The following MET variants were observed in gnomAD, a reference collection of about 807,000 sequenced individuals.
MET encodes hepatocyte growth factor receptor.
In MET, 48 loss-of-function variants were observed where a neutral mutation model predicts 133.1. The observed-to-expected ratio is 0.36, with a 90% CI of 0.29 to 0.46. MET has a LOEUF of 0.46. MET is among the 20% of genes least tolerant of loss of function. The pLI is 1.00. For missense variants in MET, 1,442 were observed against 1,695.9 expected (o/e 0.85, Z 2.63); for synonymous variants, 628 against 616.5 (o/e 1.02, Z -0.28).
chr7:116,704,962 A>G (rs1791732590), intron 2 of MET, among the ~76,000 whole-genome samples: 1 of 152,126 alleles, frequency 6.6e-6, no homozygotes, highest in Admixed American at 6.6e-5. Context: ...TCCCAAAATA[A>G]AGGAAACTTA....
intron 2 of MET, among the ~76,000 whole-genome samples, chr7:116,704,406 A>G (rs1056323289): frequency 1.3e-5 from 2 of 152,120 alleles, no homozygotes; most frequent in Non-Finnish European, 2.9e-5. Flanking sequence ...AGTGTGGACA[A>G]GTATATTAAT....
Position 116,778,787 on chromosome 7 carries a change from A to G in MET, c.3352A>G (p.Ile1118Val), listed in dbSNP as rs755234697. 2.5e-6 allele frequency: 4 copies of G among 1,613,876 alleles called. No individual in the cohort carries two copies. Among genetic ancestry groups the G allele is most frequent in the Non-Finnish European group, 3.4e-6 (4 of 1,179,936 alleles). Residue 1118 changes from isoleucine (I) to valine (V), a missense_variant, in exon 17 of 21, where the codon ATA becomes GTA. This residue lies in a region of MET where 514 missense variants were observed against 659.6 expected (regional missense o/e 0.78). Coordinates refer to ENST00000397752, the MANE Select transcript of MET (RefSeq NM_000245.4). ...AVKSLNRITD[I>V]GEVSQFLTEG... The stretch of plus-strand genomic sequence containing the variant: ...ACTGGATTTCTCAGGAATCACTGAC[A>G]TAGGAGAAGTTTCCCAATTTCTGAC...
intron 17 of MET, among the ~76,000 whole-genome samples, chr7:116,781,514 C>T (rs777985196): frequency 6.6e-6 from 1 of 152,162 alleles, no homozygotes; most frequent in South Asian, 2.1e-4. Flanking sequence ...GTGTTGCATA[C>T]AATAAATACT....
intron 2 of MET, among the ~76,000 whole-genome samples, chr7:116,721,151 C>T (rs1490830596): frequency 1.3e-5 from 2 of 152,164 alleles, no homozygotes; most frequent in Non-Finnish European, 2.9e-5. Flanking sequence ...TTGATTATTG[C>T]CACAATTTCA....
chr7:116,761,953 A>G (rs1794415436), intron 10 of MET, among the ~76,000 whole-genome samples: 2 of 152,124 alleles, frequency 1.3e-5, no homozygotes, highest in Non-Finnish European at 2.9e-5. Context: ...ATCTCCAACT[A>G]TACTTGTCAA....
chr7:116,752,612 G>A (rs1326482497), intron 5 of MET, among the ~76,000 whole-genome samples: 1 of 152,216 alleles, frequency 6.6e-6, no homozygotes, highest in East Asian at 1.9e-4. Context: ...GCCCAGCCCA[G>A]AGAGAAAAGC....
intron 2 of MET, chr7:116,724,930 G>A (rs571838067): frequency 7.3e-5 from 83 of 1,137,044 alleles, no homozygotes; most frequent in Non-Finnish European, 8.6e-5. Context: ...AAAATGCTTA[G>A]AACTGTGTCT....
chr7:116,765,298 A>C (rs935873033), intron 11 of MET, among the ~76,000 whole-genome samples: 1 of 151,700 alleles, frequency 6.6e-6, no homozygotes, highest in Non-Finnish European at 1.5e-5. Flanking sequence ...AAAAAAAAAA[A>C]AAAAAAAAAA....
At chr7:116,702,904 A>G (rs1194620846) in intron 2 of MET, among the ~76,000 whole-genome samples, 1 of 152,086 alleles carries the variant, frequency 6.6e-6, no homozygotes, top group Non-Finnish European at 1.5e-5. Flanking sequence ...CGGGCCTTTT[A>G]CATTTTAGGG....
chr7:116,685,534 A>C (rs1796520478), intron 1 of MET, among the ~76,000 whole-genome samples: 1 of 151,886 alleles, frequency 6.6e-6, no homozygotes, highest in African/African-American at 2.4e-5. Context: ...AAAAATACAA[A>C]ATTTAGCCAG....
chr7:116,695,091 C>T (rs975824477), intron 1 of MET, among the ~76,000 whole-genome samples: 33 of 152,168 alleles, frequency 2.2e-4, no homozygotes, highest in Non-Finnish European at 3.8e-4. Context: ...AATAATAATT[C>T]GTTTCCTTTC....
intron 1 of MET, among the ~76,000 whole-genome samples, chr7:116,696,945 T>G (rs915155828): frequency 6.6e-6 from 1 of 152,204 alleles, no homozygotes; most frequent in African/African-American, 2.4e-5. Context: ...TCCGCCTCTG[T>G]TCTTTGGCAC....
At chr7:116,779,488 A>G (rs1795091812) in intron 17 of MET, among the ~76,000 whole-genome samples, 1 of 152,140 alleles carries the variant, frequency 6.6e-6, no homozygotes, top group Admixed American at 6.5e-5. Context: ...CATCTTCAAC[A>G]TAAGCCTTCC....
At chr7:116,736,644 C>T (rs1793223305) in intron 3 of MET, among the ~76,000 whole-genome samples, 1 of 152,174 alleles carries the variant, frequency 6.6e-6, no homozygotes, top group South Asian at 2.1e-4. Flanking sequence ...CATGTCCTAT[C>T]TACAAGGGGC....
At chr7:116,791,216 G>T (rs571419819) in intron 19 of MET, among the ~76,000 whole-genome samples, 16 of 152,312 alleles carry the variant, frequency 1.1e-4, no homozygotes, top group Admixed American at 3.3e-4. Flanking sequence ...ATATCTAGGT[G>T]TAAGAGTAAC....
intron 10 of MET, among the ~76,000 whole-genome samples, chr7:116,761,685 G>A (rs1205533270): frequency 6.6e-6 from 1 of 151,982 alleles, no homozygotes; most frequent in African/African-American, 2.4e-5. Context: ...AACAATTATT[G>A]TGATGACAGT....
chr7:116,788,376 G>T (rs1795380461), intron 19 of MET, among the ~76,000 whole-genome samples: 1 of 152,050 alleles, frequency 6.6e-6, no homozygotes, highest in Non-Finnish European at 1.5e-5. Flanking sequence ...CAACAAAGCT[G>T]ATTTATAAAA....
intron 2 of MET, among the ~76,000 whole-genome samples, chr7:116,703,089 A>G (rs989194073): frequency 3.3e-5 from 5 of 152,176 alleles, no homozygotes; most frequent in African/African-American, 1.2e-4. Context: ...AGTACTCGTC[A>G]TCTTCACCCA....
intron 2 of MET, among the ~76,000 whole-genome samples, chr7:116,723,736 C>G (rs888303496): frequency 1.3e-5 from 2 of 152,170 alleles, no homozygotes; most frequent in African/African-American, 2.4e-5. Flanking sequence ...GTTGGAGTAC[C>G]CTGCCGTGTG....
Sources: allele counts gnomAD v4.1 joint callset (sites outside exome capture counted in the v4.1 genomes callset), GRCh38; gene constraint gnomAD v4.1.1; regional missense constraint gnomAD v4.1.1; transcripts MANE v1.5; gene names NCBI Gene and HGNC (gene_info 2026-07-23, HGNC 2026-07-21).